TAFA2: variants seen among roughly 807,000 people sequenced by gnomAD.
The protein encoded by TAFA2 is chemokine-like protein TAFA-2.
TAFA2 carries 7 observed loss-of-function variants against 18.8 expected under a neutral mutation model. That is an observed-to-expected ratio of 0.37 (90% CI 0.21 to 0.70). TAFA2 has a LOEUF of 0.70. Among genes scored for constraint, TAFA2 ranks in the 30% least tolerant of loss-of-function variants. TAFA2 has a pLI of 0.53. For synonymous variants in TAFA2, 60 were observed against 54.2 expected, an observed-to-expected ratio of 1.11 and a Z score of -0.47; for missense variants, 122 against 158.1, an observed-to-expected ratio of 0.77 and a Z score of 1.23.
At chr12:61,879,554 A>G in intron 1 of TAFA2, 2 of 734,314 alleles carry the variant, frequency 2.7e-6, no homozygotes, top group South Asian at 1.5e-5. Flanking sequence ...CTTAACCTGG[A>G]GGTGGACCCC....
chr12:62,136,043 G>C (rs1030787191), intron 1 of TAFA2: 1 of 152,040 alleles, frequency 6.6e-6, no homozygotes, highest in Non-Finnish European at 1.5e-5. Flanking sequence ...CTGCTTAGAT[G>C]GTTATTTTGC....
At chr12:61,895,838 C>T (rs1015328208) in intron 1 of TAFA2, among the ~76,000 whole-genome samples, 6 of 151,686 alleles carry the variant, frequency 4.0e-5, no homozygotes, top group Admixed American at 1.3e-4. Flanking sequence ...CCTAGGTACC[C>T]TAGTAAGAAG....
chr12:61,931,191 G>C (rs1480033734), intron 1 of TAFA2, among the ~76,000 whole-genome samples: 14 of 151,984 alleles, frequency 9.2e-5, no homozygotes, highest in Admixed American at 9.2e-4. Flanking sequence ...TCAATTTTAG[G>C]ATTATTGGAA....
chr12:62,014,197 C>G (rs1454538228), intron 1 of TAFA2, among the ~76,000 whole-genome samples: 1 of 152,192 alleles, frequency 6.6e-6, no homozygotes, highest in African/African-American at 2.4e-5. Flanking sequence ...GCTACATCCT[C>G]AAGAATACAG....
intron 1 of TAFA2, among the ~76,000 whole-genome samples, chr12:62,031,704 T>C (rs1881464508): frequency 6.6e-6 from 1 of 152,158 alleles, no homozygotes; most frequent in Non-Finnish European, 1.5e-5. Context: ...ATCACAATTA[T>C]AGTAGTCAAC....
At chr12:62,009,371 T>C (rs1256993946) in intron 1 of TAFA2, among the ~76,000 whole-genome samples, 1 of 152,214 alleles carries the variant, frequency 6.6e-6, no homozygotes, top group African/African-American at 2.4e-5. Flanking sequence ...TTAAAAAGCA[T>C]TTCTTAAGTG....
At chr12:62,212,385 G>T (rs1156317208) in intron 1 of TAFA2, among the ~76,000 whole-genome samples, 1 of 152,144 alleles carries the variant, frequency 6.6e-6, no homozygotes. Flanking sequence ...TACTTCTTCA[G>T]GTTTTGCCCT....
At chr12:62,078,255 G>A (rs1443613898) in intron 1 of TAFA2, among the ~76,000 whole-genome samples, 1 of 152,106 alleles carries the variant, frequency 6.6e-6, no homozygotes, top group Non-Finnish European at 1.5e-5. Flanking sequence ...AAAAGGCAGA[G>A]CCTAACGTTT....
chr12:62,062,221 T>C (rs1350127271), intron 1 of TAFA2, among the ~76,000 whole-genome samples: 2 of 152,164 alleles, frequency 1.3e-5, no homozygotes, highest in Admixed American at 1.3e-4. Flanking sequence ...CTGGCCACTT[T>C]ACTTACAGTT....
At chr12:62,018,733 C>A (rs1881020746) in intron 1 of TAFA2, among the ~76,000 whole-genome samples, 1 of 152,098 alleles carries the variant, frequency 6.6e-6, no homozygotes. Context: ...AGAAGAAAAC[C>A]TAGGCAATAC....
chr12:61,824,459 A>G (rs1165028496), intron 2 of TAFA2, among the ~76,000 whole-genome samples: 3 of 152,154 alleles, frequency 2.0e-5, no homozygotes, highest in Non-Finnish European at 2.9e-5. Flanking sequence ...CACATTTTGT[A>G]TAGAGTATGT....
At position 61,810,915 on chromosome 12, in the gene TAFA2, C is replaced by T. The variant is rs931145907; in HGVS notation, c.107-55891G>A. Among the ~76,000 whole-genome samples, 5 of 151,164 alleles carry T rather than the reference C, an allele frequency of 3.3e-5. 1 individual carries two copies. Among genetic ancestry groups the T allele is most frequent in the African/African-American group, 1.2e-4 (5 of 40,568 alleles). On this transcript the variant is annotated intron_variant, in intron 2 of 4. Transcript: ENST00000416284. ...TCAGGTAGAACTGAGACCAACCTAC[C>T]ACCATTCCTGCCACTGCCAAGTGGG...
At chr12:62,220,251 A>T (rs2062755043) in intron 1 of TAFA2, among the ~76,000 whole-genome samples, 1 of 152,094 alleles carries the variant, frequency 6.6e-6, no homozygotes, top group Non-Finnish European at 1.5e-5. Flanking sequence ...AATTACACCC[A>T]CTTACTAAAA....
chr12:61,990,782 C>T (rs1879982586), intron 1 of TAFA2, among the ~76,000 whole-genome samples: 2 of 152,192 alleles, frequency 1.3e-5, no homozygotes, highest in East Asian at 1.9e-4. Flanking sequence ...TTATCAAAAA[C>T]ATTCTAACTG....
At chr12:61,807,330 G>T (rs1274918135) in intron 2 of TAFA2, among the ~76,000 whole-genome samples, 1 of 151,400 alleles carries the variant, frequency 6.6e-6, no homozygotes, top group Admixed American at 6.6e-5. Flanking sequence ...TGTTGAGCCT[G>T]AGAATGCACA....
intron 1 of TAFA2, among the ~76,000 whole-genome samples, chr12:62,236,203 C>A (rs957206025): frequency 6.6e-6 from 1 of 151,448 alleles, no homozygotes; most frequent in Admixed American, 6.6e-5. Context: ...CTAGAATATT[C>A]TGAATTTATG....
At chr12:62,070,469 T>C (rs1349558331) in intron 1 of TAFA2, 1 of 150,670 alleles carries the variant, frequency 6.6e-6, no homozygotes, top group Non-Finnish European at 1.5e-5. Flanking sequence ...TGTTAGCAGC[T>C]CTTTCCTAGG....
intron 4 of TAFA2, among the ~76,000 whole-genome samples, chr12:61,713,188 C>T (rs899840849): frequency 1.5e-4 from 23 of 152,098 alleles, no homozygotes; most frequent in Non-Finnish European, 2.6e-4. Context: ...CACCAATCAC[C>T]GAGTTTTGGC....
intron 1 of TAFA2, among the ~76,000 whole-genome samples, chr12:62,096,640 A>AAAAAACTTCT (rs1491321725): frequency 6.6e-6 from 1 of 152,080 alleles, no homozygotes; most frequent in Non-Finnish European, 1.5e-5. Context: ...TATGTTAATG[A>AAAAAACTTCT]AAAAACTTCT....
Sources: allele counts gnomAD v4.1 joint callset (sites outside exome capture counted in the v4.1 genomes callset), GRCh38; gene constraint gnomAD v4.1.1; transcripts MANE v1.5; gene names NCBI Gene and HGNC (gene_info 2026-07-23, HGNC 2026-07-21).